Variants in GALNT14 observed in about 807,000 individuals in gnomAD.
The protein encoded by GALNT14 is UDP-GalNAc:polypeptide N-acetylgalactosaminyltransferase 14.
A neutral mutation model predicts 77.5 loss-of-function variants in GALNT14; 60 were observed. That is an observed-to-expected ratio of 0.77 (90% CI 0.63 to 0.96). GALNT14 has a LOEUF of 0.96. Among genes scored for constraint, GALNT14 ranks in the 40% least tolerant of loss-of-function variants. GALNT14 has a pLI of 0.00. For missense variants in GALNT14, 710 were observed against 731.0 expected (o/e 0.97, Z 0.33); for synonymous variants, 280 against 281.7 (o/e 0.99, Z 0.06).
At chr2:30,922,144 A>G (rs1005860909) in intron 13 of GALNT14, among the ~76,000 whole-genome samples, 2 of 152,110 alleles carry the variant, frequency 1.3e-5, no homozygotes, top group Admixed American at 6.5e-5. Flanking sequence ...AGGGTGCCTG[A>G]TAGATGCTCA....
chr2:31,027,986 GCTGA>G (rs1672175506), intron 1 of GALNT14, among the ~76,000 whole-genome samples: 1 of 151,266 alleles, frequency 6.6e-6, no homozygotes, highest in African/African-American at 2.4e-5. Context: ...CAGGTAAGAG[GCTGA>G]CTTAGTCCAT....
chr2:30,961,067 C>A (rs1183121234), intron 3 of GALNT14, among the ~76,000 whole-genome samples: 1 of 152,256 alleles, frequency 6.6e-6, no homozygotes, highest in Non-Finnish European at 1.5e-5. Flanking sequence ...CGCAGGGCAG[C>A]GTGGGCAGTG....
At chr2:30,945,718 C>T (rs1234331264) in intron 7 of GALNT14, 65 bp downstream of exon 7, 29 of 1,326,682 alleles carry the variant, frequency 2.2e-5, no homozygotes, top group Non-Finnish European at 2.8e-5. Flanking sequence ...ACTCTCCCCA[C>T]TTAAAAGCAG....
At chr2:30,928,241 T>C (rs1410226027) in intron 11 of GALNT14, among the ~76,000 whole-genome samples, 2 of 152,164 alleles carry the variant, frequency 1.3e-5, no homozygotes, top group African/African-American at 4.8e-5. Context: ...GATCAACCTA[T>C]GAATTTAGGC....
At chr2:31,016,067 G>T (rs1304978666) in intron 1 of GALNT14, among the ~76,000 whole-genome samples, 1 of 152,102 alleles carries the variant, frequency 6.6e-6, no homozygotes, top group Admixed American at 6.5e-5. Context: ...GATCCGCTCG[G>T]GCTACCATCA....
intron 13 of GALNT14, among the ~76,000 whole-genome samples, chr2:30,923,571 G>T (rs1412697199): frequency 6.6e-6 from 1 of 152,232 alleles, no homozygotes; most frequent in Non-Finnish European, 1.5e-5. Context: ...GGCAGGAGAT[G>T]CAGAGGTGAA....
chr2:31,042,535 T>G (rs1233118924), intron 1 of GALNT14, among the ~76,000 whole-genome samples: 1 of 152,118 alleles, frequency 6.6e-6, no homozygotes, highest in African/African-American at 2.4e-5. Flanking sequence ...ATCCCTGGGA[T>G]GAAACTACAC....
At chr2:31,089,606 C>A (rs1676629938) in intron 1 of GALNT14, among the ~76,000 whole-genome samples, 1 of 152,084 alleles carries the variant, frequency 6.6e-6, no homozygotes, top group Non-Finnish European at 1.5e-5. Context: ...TTCAAGAATT[C>A]TTTCATCAAT....
intron 1 of GALNT14, among the ~76,000 whole-genome samples, chr2:31,022,234 A>C (rs1671765090): frequency 6.6e-6 from 1 of 152,238 alleles, no homozygotes; most frequent in African/African-American, 2.4e-5. Context: ...TTTTCTCAGA[A>C]GAAATAATGA....
chr2:31,138,087 G>C lies in GALNT14; in HGVS notation c.-1C>G. 1 of 1,613,648 alleles carries C rather than the reference G, an allele frequency of 6.2e-7. No individual in the cohort carries two copies. The highest frequency in any genetic ancestry group is 8.5e-7 in the Non-Finnish European group (1 of 1,179,762). ...CCAGCCGACGAGTCAGGCGCCGCAT[G>C]GTCCCCTTTGCCGCTTCCTCTCCGC... On this transcript the variant is annotated 5_prime_UTR_variant, in exon 1 of 15. Transcript: ENST00000349752.
intron 1 of GALNT14, among the ~76,000 whole-genome samples, chr2:30,996,348 G>A (rs541880826): frequency 3.9e-5 from 6 of 152,256 alleles, no homozygotes; most frequent in African/African-American, 1.2e-4. Context: ...CCTGAAGCAG[G>A]TCATGGAGAA....
intron 1 of GALNT14, among the ~76,000 whole-genome samples, chr2:31,024,547 A>G (rs1191822722): frequency 1.3e-5 from 2 of 152,106 alleles, no homozygotes; most frequent in East Asian, 3.9e-4. Context: ...TAGATTCTGC[A>G]TGGCTCACTC....
At chr2:30,931,941 C>T in intron 10 of GALNT14, 127 bp downstream of exon 10, 4 of 964,354 alleles carry the variant, frequency 4.1e-6, no homozygotes, top group Non-Finnish European at 5.6e-6. Flanking sequence ...GAGGTGCAGC[C>T]CCGGCCAGTT....
intron 1 of GALNT14, among the ~76,000 whole-genome samples, chr2:31,066,915 G>A (rs1346417328): frequency 6.6e-6 from 1 of 152,202 alleles, no homozygotes; most frequent in Non-Finnish European, 1.5e-5. Flanking sequence ...AGCTGGGAAA[G>A]GGGCAGGCTG....
rs138738093 is a variant in GALNT14 at position 31,124,336 on chromosome 2, T to G, written c.129+13622A>C. Among the ~76,000 whole-genome samples, 121 of 152,300 alleles carry G rather than the reference T, an allele frequency of 7.9e-4. 2 individuals carry two copies. Among genetic ancestry groups the G allele is most frequent in the African/African-American group, 2.8e-3 (117 of 41,558 alleles). On this transcript the variant is annotated intron_variant, in intron 1 of 14. Coordinates refer to ENST00000349752, the MANE Select transcript of GALNT14 (RefSeq NM_024572.4). ...AAAATGGATAGCTGTCTTTTCTCTT[T>G]TGAGTCAAAGTGGAAAGTGAGGCTG...
intron 9 of GALNT14, among the ~76,000 whole-genome samples, chr2:30,935,783 C>G (rs1041903246): frequency 6.6e-6 from 1 of 152,094 alleles, no homozygotes; most frequent in Non-Finnish European, 1.5e-5. Context: ...TCTGCTGAGA[C>G]CTTTGGGACA....
intron 1 of GALNT14, among the ~76,000 whole-genome samples, chr2:31,038,095 T>TATATATATATAA (rs1558514701): frequency 2.4e-5 from 2 of 84,932 alleles, no homozygotes; most frequent in Non-Finnish European, 4.5e-5. Context: ...TTTTTTTTTT[T>TATATATATATAA]TTTTTTTTTT....
At chr2:31,118,878 C>A (rs1159801469) in intron 1 of GALNT14, among the ~76,000 whole-genome samples, 2 of 152,028 alleles carry the variant, frequency 1.3e-5, no homozygotes, top group Non-Finnish European at 2.9e-5. Flanking sequence ...TAGTAAAAGA[C>A]AAAGAGGTCC....
intron 1 of GALNT14, among the ~76,000 whole-genome samples, chr2:31,029,274 G>C (rs1672265955): frequency 6.6e-6 from 1 of 152,122 alleles, no homozygotes; most frequent in Non-Finnish European, 1.5e-5. Flanking sequence ...ACTAAAGTCA[G>C]GAATAGTCAG....
Sources: gnomAD v4.1 joint callset for allele counts (sites outside exome capture counted in the v4.1 genomes callset) on GRCh38, gnomAD v4.1.1 for gene constraint, MANE v1.5 for transcripts, NCBI Gene and HGNC (gene_info 2026-07-23, HGNC 2026-07-21) for gene names.